CFI: variants seen among roughly 807,000 people sequenced by gnomAD.
The protein encoded by CFI is C3B/C4B inactivator.
A neutral mutation model predicts 78.8 loss-of-function variants in CFI; 66 were observed. The ratio of observed to expected loss-of-function variants is 0.84; its 90% CI spans 0.69 to 1.03. The LOEUF (loss-of-function observed/expected upper bound fraction) is 1.03. Ranked by LOEUF, CFI falls within the 50% of genes least tolerant of loss-of-function variation. The pLI, the probability that CFI is intolerant of heterozygous loss-of-function variation, is 0.00. For synonymous variants in CFI, 250 were observed against 232.6 expected (o/e 1.07, Z -0.68); for missense variants, 706 against 704.5 (o/e 1.00, Z -0.02).
At chr4:109,785,315 G>T (rs1172053490) in intron 1 of CFI, among the ~76,000 whole-genome samples, 1 of 152,066 alleles carries the variant, frequency 6.6e-6, no homozygotes, top group Non-Finnish European at 1.5e-5. Flanking sequence ...TAAAAATAAT[G>T]AAGTGTGATT....
intron 10 of CFI, 44 bp downstream of exon 10, chr4:109,749,174 T>C (rs779009263): frequency 1.3e-6 from 2 of 1,516,284 alleles, no homozygotes; most frequent in South Asian, 1.1e-5. Flanking sequence ...TTACTCACTT[T>C]CATTGTTTCG....
At chr4:109,739,294 A>C (rs1561279358), downstream of CFI, among the ~76,000 whole-genome samples, 3 of 150,292 alleles carry the variant, frequency 2.0e-5, no homozygotes, top group Admixed American at 1.3e-4. Context: ...AAAAAAAAAG[A>C]GTAGCTAATG....
intron 1 of CFI, among the ~76,000 whole-genome samples, chr4:109,777,013 A>G (rs1729337296): frequency 6.6e-6 from 1 of 152,268 alleles, no homozygotes; most frequent in Non-Finnish European, 1.5e-5. Flanking sequence ...AGCCACTGCA[A>G]AAACATGCCA....
Position 109,740,806 on chromosome 4 carries a change from C to T in CFI, c.*87G>A. The stretch of plus-strand genomic sequence containing the variant: ...GTGAGATTTGCTTCATTTTTCCCCC[C>T]TAGAGAATTATTAATTATACCGTTT... On this transcript the variant is annotated 3_prime_UTR_variant, in exon 13 of 13. Coordinates refer to ENST00000394634, the MANE Select transcript of CFI (RefSeq NM_000204.5). 7.9e-7 allele frequency: 1 copy of T among 1,261,106 alleles called. No homozygotes were observed. The highest frequency in any genetic ancestry group is 1.2e-6 in the Non-Finnish European group (1 of 868,758). The allele number at this position is 1,261,106 out of a possible 1,614,324, so 78.1% of individuals were successfully genotyped here. A position where few individuals can be genotyped will look rare whatever the true frequency, so the allele number is the denominator to read the frequency against.
intron 3 of CFI, chr4:109,762,453 A>C (rs917494972): frequency 1.3e-5 from 2 of 152,204 alleles, no homozygotes; most frequent in Non-Finnish European, 2.9e-5. Context: ...AGACTTCCTC[A>C]GTGACGTATT....
intron 12 of CFI, among the ~76,000 whole-genome samples, chr4:109,741,552 A>G (rs960077314): frequency 6.6e-6 from 1 of 152,196 alleles, no homozygotes; most frequent in African/African-American, 2.4e-5. Context: ...ACGGAGTTTA[A>G]CTTGTCTAAG....
intron 1 of CFI, among the ~76,000 whole-genome samples, chr4:109,783,506 T>G (rs1475084621): frequency 6.6e-6 from 1 of 151,700 alleles, no homozygotes; most frequent in African/African-American, 2.4e-5. Flanking sequence ...ATGGCCATAA[T>G]AAAAAAATAA....
chr4:109,739,089 T>G (rs1197146256), downstream of CFI, among the ~76,000 whole-genome samples: 2 of 152,176 alleles, frequency 1.3e-5, no homozygotes, highest in African/African-American at 4.8e-5. Flanking sequence ...TACTTTTATG[T>G]TATACATATT....
At chr4:109,748,290 CCT>C (rs1724724210) in intron 10 of CFI, among the ~76,000 whole-genome samples, 1 of 152,086 alleles carries the variant, frequency 6.6e-6, no homozygotes, top group South Asian at 2.1e-4. Context: ...TTAGTGTGAA[CCT>C]ATATGTACCA....
chr4:109,795,771 A>G (rs1320675659), intron 1 of CFI, among the ~76,000 whole-genome samples: 1 of 152,174 alleles, frequency 6.6e-6, no homozygotes, highest in East Asian at 1.9e-4. Flanking sequence ...CAGAAGAGAG[A>G]ATCAGTGAAC....
intron 1 of CFI, among the ~76,000 whole-genome samples, chr4:109,774,727 G>A (rs886474995): frequency 6.6e-6 from 1 of 152,220 alleles, no homozygotes; most frequent in South Asian, 2.1e-4. Context: ...AGAATATGTG[G>A]TCAGTGAAGC....
chr4:109,780,536 T>C (rs1456757160), intron 1 of CFI, among the ~76,000 whole-genome samples: 2 of 152,208 alleles, frequency 1.3e-5, no homozygotes, highest in Non-Finnish European at 2.9e-5. Flanking sequence ...GGAACGCTTT[T>C]ACATTGTTGG....
chr4:109,773,643 T>C (rs1728864615), intron 1 of CFI, among the ~76,000 whole-genome samples: 1 of 152,170 alleles, frequency 6.6e-6, no homozygotes, highest in Non-Finnish European at 1.5e-5. Context: ...ACTACTGGTG[T>C]AGGGAGTATG....
At chr4:109,735,250 C>A in the CFI span, among the ~76,000 whole-genome samples, 1 of 151,496 alleles carries the variant, frequency 6.6e-6, no homozygotes, top group Non-Finnish European at 1.5e-5. Context: ...CCACCGCACC[C>A]AGCCCTACAC....
intron 1 of CFI, among the ~76,000 whole-genome samples, chr4:109,791,093 C>T (rs1025339488): frequency 1.3e-5 from 2 of 152,172 alleles, no homozygotes; most frequent in Non-Finnish European, 2.9e-5. Context: ...TTTTTCTCCA[C>T]AACCTCGACA....
chr4:109,781,060 C>T (rs1173170044), intron 1 of CFI, among the ~76,000 whole-genome samples: 1 of 152,104 alleles, frequency 6.6e-6, no homozygotes, highest in Admixed American at 6.6e-5. Context: ...GACAAGTTAA[C>T]GTGTGCAGCA....
chr4:109,757,671 G>T (rs1369683039), intron 7 of CFI, 92 bp downstream of exon 7: 15 of 815,550 alleles, frequency 1.8e-5, no homozygotes, highest in Non-Finnish European at 3.0e-5. Flanking sequence ...GTCATATCAT[G>T]CTCCATTAAC....
At chr4:109,753,166 ATATTTATAATATATT>A (rs1186426525) in intron 7 of CFI, among the ~76,000 whole-genome samples, 1 of 3,682 alleles carries the variant, frequency 2.7e-4, no homozygotes, top group Admixed American at 0.013. Flanking sequence ...ATATAAATAA[ATATTTATAATATATT>A]TATTATATAA....
downstream of CFI, among the ~76,000 whole-genome samples, chr4:109,738,445 T>C (rs774984444): frequency 6.6e-6 from 1 of 152,166 alleles, no homozygotes; most frequent in Non-Finnish European, 1.5e-5. Flanking sequence ...ACAGACATAT[T>C]CTAAGGTGCT....
Sources: gnomAD v4.1 joint callset for allele counts (sites outside exome capture counted in the v4.1 genomes callset) on GRCh38, gnomAD v4.1.1 for gene constraint, MANE v1.5 for transcripts, NCBI Gene and HGNC (gene_info 2026-07-23, HGNC 2026-07-21) for gene names.